Variants in SNTG1 observed in about 807,000 individuals in gnomAD.
SNTG1 encodes syntrophin gamma 1.
A neutral mutation model predicts 74.7 loss-of-function variants in SNTG1; 39 were observed. The ratio of observed to expected loss-of-function variants is 0.52; its 90% CI spans 0.40 to 0.68. The LOEUF (loss-of-function observed/expected upper bound fraction) is 0.68, where lower values mean the gene tolerates loss of function less well. SNTG1 is among the 30% of genes least tolerant of loss of function. SNTG1 has a pLI of 0.00. For synonymous variants in SNTG1, 254 were observed against 217.1 expected (o/e 1.17, Z -1.49); for missense variants, 685 against 609.5 (o/e 1.12, Z -1.30).
intron 2 of SNTG1, among the ~76,000 whole-genome samples, chr8:50,346,235 G>A (rs554546655): frequency 1.4e-4 from 21 of 152,272 alleles, no homozygotes; most frequent in Admixed American, 3.9e-4. Flanking sequence ...AACAGCATGT[G>A]CTCATTTCCT....
intron 17 of SNTG1, among the ~76,000 whole-genome samples, chr8:50,737,082 T>C (rs1032338016): frequency 6.8e-6 from 1 of 147,572 alleles, no homozygotes; most frequent in Non-Finnish European, 1.5e-5. Flanking sequence ...ATGAAGGAAA[T>C]AGAGACATGA....
intron 1 of SNTG1, among the ~76,000 whole-genome samples, chr8:49,970,060 A>G (rs1315128300): frequency 6.6e-6 from 1 of 152,132 alleles, no homozygotes; most frequent in African/African-American, 2.4e-5. Context: ...AGTTAGACCA[A>G]TCTCAGGGTG....
intron 11 of SNTG1, among the ~76,000 whole-genome samples, chr8:50,546,637 G>A (rs1209937796): frequency 2.6e-5 from 4 of 151,182 alleles, no homozygotes; most frequent in South Asian, 2.1e-4. Context: ...GCGGTGTTTG[G>A]ATTTTTGTCC....
chr8:50,400,169 A>G lies in SNTG1; in HGVS notation c.28-2041A>G, dbSNP rs139666887. Among the ~76,000 whole-genome samples, 339 of 152,322 alleles carry G rather than the reference A, an allele frequency of 2.2e-3. 3 individuals carry two copies. Among genetic ancestry groups the G allele is most frequent in the Admixed American group, 0.017 (265 of 15,296 alleles). On this transcript the variant is annotated intron_variant, in intron 3 of 18. Transcript: ENST00000642720. ...CTCCCAGCAATAGCCATGGAAATGT[A>G]TATTCCAAGAGAAAGTCTGGTATTA...
chr8:50,408,449 A>G (rs979530428), intron 4 of SNTG1, among the ~76,000 whole-genome samples: 4 of 152,128 alleles, frequency 2.6e-5, no homozygotes, highest in African/African-American at 9.7e-5. Context: ...AGTGGTTCCA[A>G]AAGCCCTTGT....
At chr8:50,227,811 C>T (rs563275897) in intron 2 of SNTG1, among the ~76,000 whole-genome samples, 1 of 150,826 alleles carries the variant, frequency 6.6e-6, no homozygotes, top group East Asian at 1.9e-4. Flanking sequence ...TTATAAAGCC[C>T]AATTCCTAGC....
At chr8:50,629,540 A>T (rs1013779742) in intron 13 of SNTG1, among the ~76,000 whole-genome samples, 2 of 152,030 alleles carry the variant, frequency 1.3e-5, no homozygotes, top group Non-Finnish European at 2.9e-5. Flanking sequence ...TTCTGTTAAG[A>T]TACATGGTGT....
chr8:50,667,845 C>T (rs528080767), intron 15 of SNTG1, among the ~76,000 whole-genome samples: 2 of 151,982 alleles, frequency 1.3e-5, no homozygotes, highest in East Asian at 1.9e-4. Context: ...TACTGTAACA[C>T]TTTATAATTA....
intron 1 of SNTG1, among the ~76,000 whole-genome samples, chr8:49,987,381 C>G (rs1410324667): frequency 1.3e-5 from 2 of 152,062 alleles, no homozygotes; most frequent in South Asian, 2.1e-4. Flanking sequence ...TTTAAAGTCT[C>G]TGGAAATTAT....
chr8:50,511,118 T>G (rs905222405), intron 9 of SNTG1, among the ~76,000 whole-genome samples: 1 of 152,232 alleles, frequency 6.6e-6, no homozygotes, highest in Non-Finnish European at 1.5e-5. Context: ...ATGTTGTGTC[T>G]TTCTTCTCAT....
intron 2 of SNTG1, among the ~76,000 whole-genome samples, chr8:50,290,713 G>A (rs997585972): frequency 2.0e-5 from 3 of 151,932 alleles, no homozygotes; most frequent in Non-Finnish European, 2.9e-5. Context: ...AATAATAACT[G>A]TACTCATTTA....
intron 5 of SNTG1, among the ~76,000 whole-genome samples, chr8:50,444,485 C>T (rs141325941): frequency 2.1e-3 from 313 of 152,258 alleles, no homozygotes; most frequent in African/African-American, 7.2e-3. Flanking sequence ...AGGCACAGGG[C>T]TCACACTTGT....
At chr8:50,223,974 T>A (rs1302360220) in intron 2 of SNTG1, among the ~76,000 whole-genome samples, 3 of 152,026 alleles carry the variant, frequency 2.0e-5, no homozygotes, top group Admixed American at 2.0e-4. Context: ...CTGATAGATT[T>A]AATAAAAAAA....
intron 8 of SNTG1, among the ~76,000 whole-genome samples, chr8:50,485,443 A>T (rs1308168723): frequency 6.6e-6 from 1 of 152,118 alleles, no homozygotes; most frequent in Non-Finnish European, 1.5e-5. Context: ...TTGTCTTCCC[A>T]CCAGCTTAGA....
intron 18 of SNTG1, among the ~76,000 whole-genome samples, chr8:50,771,604 G>T (rs1428602306): frequency 6.6e-6 from 1 of 151,876 alleles, no homozygotes; most frequent in African/African-American, 2.4e-5. Flanking sequence ...TGAGGGTTGG[G>T]TCCAGTGAGT....
chr8:50,270,668 C>T (rs1260257739), intron 2 of SNTG1, among the ~76,000 whole-genome samples: 1 of 152,168 alleles, frequency 6.6e-6, no homozygotes, highest in Non-Finnish European at 1.5e-5. Flanking sequence ...GTTGTCATTG[C>T]TTTGCATAGT....
intron 2 of SNTG1, among the ~76,000 whole-genome samples, chr8:50,283,192 C>T (rs1295690977): frequency 6.6e-6 from 1 of 152,162 alleles, no homozygotes; most frequent in African/African-American, 2.4e-5. Context: ...ATTTCAGTCT[C>T]ATATAATTAA....
intron 15 of SNTG1, among the ~76,000 whole-genome samples, chr8:50,703,634 CAT>C (rs1460399484): frequency 6.6e-6 from 1 of 151,952 alleles, no homozygotes; most frequent in Non-Finnish European, 1.5e-5. Flanking sequence ...AAACCAGTAA[CAT>C]ATTCTTTCTT....
intron 1 of SNTG1, among the ~76,000 whole-genome samples, chr8:49,962,700 T>C (rs1295170672): frequency 6.6e-6 from 1 of 152,310 alleles, no homozygotes; most frequent in East Asian, 1.9e-4. Context: ...GTTCAAGAGA[T>C]GCTTCTGCCT....
Sources: allele counts gnomAD v4.1 joint callset (sites outside exome capture counted in the v4.1 genomes callset), GRCh38; gene constraint gnomAD v4.1.1; transcripts MANE v1.5; gene names NCBI Gene and HGNC (gene_info 2026-07-23, HGNC 2026-07-21).